The following CAB39L variants were observed in gnomAD, a reference collection of about 807,000 sequenced individuals.
CAB39L encodes the protein calcium-binding protein 39-like.
CAB39L carries 23 observed loss-of-function variants against 39.1 expected under a neutral mutation model. The ratio of observed to expected loss-of-function variants is 0.59; its 90% CI spans 0.42 to 0.83. The LOEUF (loss-of-function observed/expected upper bound fraction) is 0.83. CAB39L is among the 40% of genes least tolerant of loss of function. CAB39L has a pLI of 0.00. For synonymous variants in CAB39L, 126 were observed against 137.2 expected, an observed-to-expected ratio of 0.92 and a Z score of 0.57; for missense variants, 366 against 391.9, an observed-to-expected ratio of 0.93 and a Z score of 0.56.
chr13:49,352,467 A>C (rs1253188435), intron 6 of CAB39L, among the ~76,000 whole-genome samples: 1 of 152,030 alleles, frequency 6.6e-6, no homozygotes, highest in Non-Finnish European at 1.5e-5. Flanking sequence ...CAAAAAAAAA[A>C]ATCTGGTGGG....
At position 49,332,073 on chromosome 13, in the gene CAB39L, G is replaced by A. The variant is rs1469623391; in HGVS notation, c.708C>T (p.Ile236=). Residue 236 remains isoleucine (I), a synonymous_variant, in exon 10 of 11, where the codon ATC becomes ATT. Coordinates refer to ENST00000409308, the MANE Select transcript of CAB39L (RefSeq NM_001079670.3). ...TGATGGCAAAGTTGTGACGGTCCAGGATCAGCTCCCCTAGCAGCTAGAGGA... is the reference window on the plus strand; with the variant it reads ...TGATGGCAAAGTTGTGACGGTCCAGAATCAGCTCCCCTAGCAGCTAGAGGA... The part of the protein sequence containing the change: ...RQSLKLLGEL[I]LDRHNFAIMT... 1.2e-6 allele frequency: 2 copies of A among 1,613,904 alleles called. No homozygotes were observed. The highest frequency in any genetic ancestry group is 1.7e-6 in the Non-Finnish European group (2 of 1,179,878).
chr13:49,326,682 G>A (rs893360493), intron 10 of CAB39L, among the ~76,000 whole-genome samples: 7 of 152,154 alleles, frequency 4.6e-5, no homozygotes, highest in African/African-American at 1.7e-4. Context: ...TCAGTGGAAG[G>A]AACATAGCCG....
chr13:49,404,075 G>A (rs1017992941), intron 3 of CAB39L, among the ~76,000 whole-genome samples: 5 of 152,190 alleles, frequency 3.3e-5, no homozygotes, highest in Non-Finnish European at 7.3e-5. Context: ...GCATAACCCA[G>A]TACTGTGCTG....
Position 49,334,219 on chromosome 13 carries a change from C to T in CAB39L, c.691-2129G>A, listed in dbSNP as rs1417900061. Among the ~76,000 whole-genome samples, 6 of 152,200 alleles carry T rather than the reference C, an allele frequency of 3.9e-5. No homozygotes were observed. In the South Asian group the frequency reaches 8.3e-4, roughly 21 times the overall value. On this transcript the variant is annotated intron_variant, in intron 9 of 10. Transcript: ENST00000409308. ...TCTCTCCTTCAGTCCTCACCTAATC[C>T]GATCCATTCTGCACATTTTGTCAAA... is the stretch of plus-strand genomic sequence containing the variant.
At chr13:49,420,946 A>G (rs537726070) in intron 3 of CAB39L, among the ~76,000 whole-genome samples, 76 of 152,316 alleles carry the variant, frequency 5.0e-4, no homozygotes, top group African/African-American at 1.8e-3. Flanking sequence ...AGAAAAAAAT[A>G]ATAATCATAT....
chr13:49,411,799 T>C (rs2138686878), intron 3 of CAB39L, among the ~76,000 whole-genome samples: 2 of 152,196 alleles, frequency 1.3e-5, no homozygotes, highest in Middle Eastern at 3.4e-3. Flanking sequence ...CCATTCCTTA[T>C]CTATGAGGAA....
intron 6 of CAB39L, chr13:49,351,142 T>G: frequency 6.4e-6 from 2 of 314,024 alleles, no homozygotes; most frequent in East Asian, 5.0e-5. Flanking sequence ...ATGAACATGG[T>G]GACAGCTGGG....
intron 3 of CAB39L, chr13:49,413,792 T>C (rs772922302): frequency 6.6e-6 from 1 of 152,228 alleles, no homozygotes; most frequent in Non-Finnish European, 1.5e-5. Context: ...AGTTTTTATA[T>C]GTGAGGTCAC....
chr13:49,364,885 G>A (rs189001290), intron 5 of CAB39L, among the ~76,000 whole-genome samples: 150 of 152,264 alleles, frequency 9.9e-4, no homozygotes, highest in African/African-American at 3.5e-3. Context: ...GTAATCTACA[G>A]GTTCAATGCA....
At chr13:49,363,142 AATC>A (rs1424273145) in intron 5 of CAB39L, among the ~76,000 whole-genome samples, 1 of 152,220 alleles carries the variant, frequency 6.6e-6, no homozygotes, top group African/African-American at 2.4e-5. Context: ...AGCAAGAAGA[AATC>A]ATCTTAAGGT....
At chr13:49,350,539 A>AT (rs1196401853) in intron 7 of CAB39L, among the ~76,000 whole-genome samples, 1 of 152,208 alleles carries the variant, frequency 6.6e-6, no homozygotes, top group Non-Finnish European at 1.5e-5. Context: ...CTTGTGACAA[A>AT]TATTTTGAGT....
chr13:49,323,152 G>A (rs1954400625), intron 10 of CAB39L, among the ~76,000 whole-genome samples: 1 of 152,120 alleles, frequency 6.6e-6, no homozygotes, highest in Non-Finnish European at 1.5e-5. Flanking sequence ...TCCTTTCCTA[G>A]GATCCTTAAG....
intron 3 of CAB39L, among the ~76,000 whole-genome samples, chr13:49,413,374 T>A (rs547166945): frequency 6.2e-4 from 95 of 152,248 alleles, no homozygotes; most frequent in African/African-American, 2.2e-3. Flanking sequence ...TTCCTGAGGA[T>A]TTGTTAGCAA....
intron 3 of CAB39L, 62 bp from the exon 4 acceptor site, chr13:49,383,003 A>G: frequency 1.5e-6 from 1 of 647,780 alleles, no homozygotes; most frequent in Non-Finnish European, 2.7e-6. Context: ...AAATTTTTAT[A>G]CCAATGTCTT....
intron 9 of CAB39L, among the ~76,000 whole-genome samples, chr13:49,335,724 T>C (rs918600327): frequency 6.6e-6 from 1 of 152,202 alleles, no homozygotes; most frequent in African/African-American, 2.4e-5. Context: ...TCTTTCTTGC[T>C]GGTAATTAAA....
Position 49,308,952 on chromosome 13 carries a change from G to C in CAB39L, c.*1862C>G, listed in dbSNP as rs1004161881. 1 of 152,114 alleles carries C rather than the reference G, an allele frequency of 6.6e-6. No homozygotes were observed. Among genetic ancestry groups the C allele is most frequent in the Non-Finnish European group, 1.5e-5 (1 of 67,990 alleles). 9.4% of individuals were successfully genotyped at this position (152,114 alleles called of 1,614,324 possible). On this transcript the variant is annotated 3_prime_UTR_variant, in exon 11 of 11. Transcript: ENST00000409308. ...ATAAAATGTTTTCTTTATCAGAAAA[G>C]AATAATAACAAGGCCTCACTCTCCA...
chr13:49,344,551 T>C (rs1275362290), intron 7 of CAB39L, among the ~76,000 whole-genome samples: 1 of 146,722 alleles, frequency 6.8e-6, no homozygotes, highest in African/African-American at 2.6e-5. Flanking sequence ...AGATGGAGTC[T>C]CACTATGTCA....
intron 10 of CAB39L, among the ~76,000 whole-genome samples, chr13:49,313,370 A>G (rs1350621550): frequency 1.3e-5 from 2 of 151,914 alleles, no homozygotes; most frequent in African/African-American, 4.8e-5. Context: ...AGTCCCAGCT[A>G]CTCGGGAGGC....
In CAB39L at chr13:49,310,955, C is replaced by T. The variant is rs1414432381; in HGVS notation, c.873G>A (p.Val291=). 5 of 1,614,094 alleles carry T rather than the reference C, an allele frequency of 3.1e-6. No homozygotes were observed. The highest frequency in any genetic ancestry group is 2.5e-6 in the Non-Finnish European group (3 of 1,180,024). The part of the protein sequence containing the change: ...VASPHKTQPI[V]EILLKNQPKL... ...TGGGCTGATTTTTTAACAGGATCTCCACAATAGGCTGTGTTTTGTGAGGAC... is the reference window on the plus strand; with the variant it reads ...TGGGCTGATTTTTTAACAGGATCTCTACAATAGGCTGTGTTTTGTGAGGAC... Residue 291 remains valine, a synonymous_variant, in exon 11 of 11, where the codon GTG becomes GTA. Transcript: ENST00000409308.
Sources: gnomAD v4.1 joint callset for allele counts (sites outside exome capture counted in the v4.1 genomes callset) on GRCh38, gnomAD v4.1.1 for gene constraint, MANE v1.5 for transcripts, NCBI Gene and HGNC (gene_info 2026-07-23, HGNC 2026-07-21) for gene names.